Variants in HSD17B14 observed in about 807,000 individuals in gnomAD.
HSD17B14 encodes L-fucose dehydrogenase.
Under a neutral mutation model 32.2 loss-of-function variants are expected in HSD17B14, and 32 were observed. That is an observed-to-expected ratio of 0.99 (90% CI 0.75 to 1.33). The LOEUF (loss-of-function observed/expected upper bound fraction) is 1.33. Ranked by LOEUF, HSD17B14 falls within the 40% of genes most tolerant of loss-of-function variation. HSD17B14 has a pLI of 0.00. For synonymous variants in HSD17B14, 140 were observed against 155.4 expected, an observed-to-expected ratio of 0.90 and a Z score of 0.74; for missense variants, 370 against 366.5, an observed-to-expected ratio of 1.01 and a Z score of -0.08.
At position 48,835,985 on chromosome 19, in the gene HSD17B14, C is replaced by G. The variant is rs369843685; in HGVS notation, c.89-142G>C. On this transcript the variant is annotated intron_variant, in intron 1 of 8. Transcript: ENST00000263278. ...GATCACCCATAGGACAGAGGGCAGACGCCTTGACACATACTCTCCTTGCCT... is the reference window on the plus strand; with the variant it reads ...GATCACCCATAGGACAGAGGGCAGAGGCCTTGACACATACTCTCCTTGCCT... The G allele has an allele frequency of 2.5e-5, 18 of 713,632 alleles. No individual in the cohort carries two copies. The African/African-American group carries it at 3.0e-4, about 12-fold the overall frequency. 44.2% of individuals were successfully genotyped at this position (713,632 alleles called of 1,614,324 possible). A position where few individuals can be genotyped will look rare whatever the true frequency, so the allele number is the denominator to read the frequency against.
At position 48,835,828 on chromosome 19, in the gene HSD17B14, CG is replaced by C; in HGVS notation, c.103del (p.Arg35GlufsTer29). On this transcript the variant is annotated frameshift_variant, in exon 2 of 9. Transcript: ENST00000263278. LOFTEE classifies it high-confidence loss of function. Reference protein sequence around the residue: ...IVRAFVNSGARVVICDKDESG... With the variant: ...IVRAFVNSGAXVVICDKDESG... ...ACCATCCTTGTCGCAGATAACCACT[CG>C]GGCCCCGCTGTTCACTGAGAATAGG... The C allele has an allele frequency of 1.2e-6, 2 of 1,613,592 alleles. No individual in the cohort carries two copies. Among genetic ancestry groups the C allele is most frequent in the Non-Finnish European group, 1.7e-6 (2 of 1,179,726 alleles).
chr19:48,819,619 T>G (rs2035113083), intron 5 of HSD17B14, among the ~76,000 whole-genome samples: 2 of 152,084 alleles, frequency 1.3e-5, no homozygotes, highest in South Asian at 2.1e-4. Context: ...CTCCACCTCC[T>G]CCACTGGTCA....
chr19:48,825,154 C>T (rs1445878044), intron 5 of HSD17B14, among the ~76,000 whole-genome samples: 2 of 147,656 alleles, frequency 1.4e-5, no homozygotes, highest in Non-Finnish European at 3.0e-5. Flanking sequence ...AGGAGAATCA[C>T]TTGAACCCAG....
chr19:48,824,777 AAAAGAAAG>A (rs150958177), intron 5 of HSD17B14, among the ~76,000 whole-genome samples: 10 of 142,150 alleles, frequency 7.0e-5, no homozygotes, highest in East Asian at 6.1e-4. Flanking sequence ...GACAAAAAAA[AAAAGAAAG>A]AAAGAAAGAA....
In HSD17B14 at chr19:48,835,671, C is replaced by G. The variant is rs989675071; in HGVS notation, c.127+134G>C. On this transcript the variant is annotated intron_variant, in intron 2 of 8. Coordinates refer to ENST00000263278, the MANE Select transcript of HSD17B14 (RefSeq NM_016246.3). ...GGTCTGAGGGAGGAGGGGCTGAGGT[C>G]TGGACTCCTGGGTCTGAGGAAGTAG... 1.1e-5 allele frequency: 9 copies of G among 819,750 alleles called. No homozygotes were observed. The African/African-American group carries it at 1.6e-4, about 14-fold the overall frequency. The allele number at this position is 819,750 out of a possible 1,614,324, so 50.8% of individuals were successfully genotyped here.
chr19:48,831,648 G>A lies in HSD17B14; in HGVS notation c.369+20C>T. The A allele has an allele frequency of 6.3e-7, 1 of 1,582,000 alleles. No homozygotes were observed. Among genetic ancestry groups the A allele is most frequent in the Non-Finnish European group, 8.7e-7 (1 of 1,150,658 alleles). On this transcript the variant is annotated intron_variant, in intron 5 of 8. Coordinates refer to ENST00000263278, the MANE Select transcript of HSD17B14 (RefSeq NM_016246.3). ...ATCAGGAGGCTGCTCGGGCCTGGCG[G>A]CAGGGTCGCCAGCCCTCACCTTGGT...
At chr19:48,813,989 G>A (rs938990371) in intron 6 of HSD17B14, among the ~76,000 whole-genome samples, 5 of 151,544 alleles carry the variant, frequency 3.3e-5, no homozygotes, top group African/African-American at 1.2e-4. Context: ...TGGGCCAGGA[G>A]TTCGAGACCA....
chr19:48,829,784 T>G (rs1238379037), intron 5 of HSD17B14, among the ~76,000 whole-genome samples: 6 of 151,454 alleles, frequency 4.0e-5, no homozygotes, highest in Non-Finnish European at 8.8e-5. Flanking sequence ...GCTGGGATTA[T>G]AGGCATGTGC....
At chr19:48,835,865 G>C (rs778879856) in intron 1 of HSD17B14, 22 bp from the exon 2 acceptor site, 2 of 1,612,376 alleles carry the variant, frequency 1.2e-6, no homozygotes, top group African/African-American at 1.3e-5. Flanking sequence ...AAGGGAACAG[G>C]TTACTCTCCG....
At chr19:48,834,248 T>G in intron 3 of HSD17B14, 28 bp downstream of exon 3, 1 of 1,568,614 alleles carries the variant, frequency 6.4e-7, no homozygotes, top group Non-Finnish European at 8.8e-7. Flanking sequence ...TTAGCGGAGA[T>G]GGGGGTAGGA....
intron 5 of HSD17B14, among the ~76,000 whole-genome samples, chr19:48,826,746 C>G (rs925632762): frequency 6.6e-6 from 1 of 151,566 alleles, no homozygotes; most frequent in African/African-American, 2.4e-5. Context: ...ATCTTGGATG[C>G]GACCTCAGAG....
At chr19:48,831,793 A>C in intron 4 of HSD17B14, 34 bp from the exon 5 acceptor site, 1 of 1,264,454 alleles carries the variant, frequency 7.9e-7, no homozygotes, top group Non-Finnish European at 1.2e-6. Context: ...AGGAAAAGTG[A>C]CGGGGGCTGG....
Position 48,834,428 on chromosome 19 carries a change from C to T in HSD17B14, c.128-70G>A, listed in dbSNP as rs539226578. On this transcript the variant is annotated intron_variant, in intron 2 of 8. Coordinates refer to ENST00000263278, the MANE Select transcript of HSD17B14 (RefSeq NM_016246.3). ...GGAGGAGGGGTTGGGGACTTGGACT[C>T]CTGGGTCTGAGGGAGGAGGTGCTGG... The T allele has an allele frequency of 1.6e-5, 15 of 962,972 alleles. No homozygotes were observed. In the East Asian group the frequency reaches 2.3e-4, roughly 15 times the overall value. The allele number at this position is 962,972 out of a possible 1,614,324, so 59.7% of individuals were successfully genotyped here. A position where few individuals can be genotyped will look rare whatever the true frequency, so the allele number is the denominator to read the frequency against.
chr19:48,819,145 C>T (rs1568518472), intron 5 of HSD17B14, among the ~76,000 whole-genome samples: 2 of 152,134 alleles, frequency 1.3e-5, no homozygotes, highest in Non-Finnish European at 2.9e-5. Context: ...CCTACCACCA[C>T]GCCTGGCTAA....
At chr19:48,819,792 T>C (rs574147979) in intron 5 of HSD17B14, among the ~76,000 whole-genome samples, 70 of 152,330 alleles carry the variant, frequency 4.6e-4, no homozygotes, top group Middle Eastern at 3.4e-3. Flanking sequence ...TGCCCAGGAC[T>C]GTAAACTCCC....
At chr19:48,832,619 G>T in intron 4 of HSD17B14, 47 bp downstream of exon 4, 2 of 1,529,532 alleles carry the variant, frequency 1.3e-6, no homozygotes, top group Non-Finnish European at 1.8e-6. Flanking sequence ...AGGAAACAGA[G>T]TTGGGGGGCA....
intron 2 of HSD17B14, 73 bp from the exon 3 acceptor site, chr19:48,834,431 G>A: frequency 3.3e-6 from 3 of 907,618 alleles, no homozygotes; most frequent in Non-Finnish European, 3.4e-6. Flanking sequence ...TTGGACTCCT[G>A]GGTCTGAGGG....
intron 5 of HSD17B14, among the ~76,000 whole-genome samples, chr19:48,829,369 T>C (rs990420572): frequency 2.0e-5 from 3 of 150,846 alleles, no homozygotes; most frequent in African/African-American, 7.3e-5. Flanking sequence ...TTTTTTTTTC[T>C]GAGAAAGAGT....
At chr19:48,820,303 G>A (rs1371336873) in intron 5 of HSD17B14, among the ~76,000 whole-genome samples, 1 of 151,840 alleles carries the variant, frequency 6.6e-6, no homozygotes, top group Non-Finnish European at 1.5e-5. Flanking sequence ...GTGAAACCCT[G>A]TCTCTGCTAA....
Sources: gnomAD v4.1 joint callset for allele counts (sites outside exome capture counted in the v4.1 genomes callset) on GRCh38, gnomAD v4.1.1 for gene constraint, MANE v1.5 for transcripts, NCBI Gene and HGNC (gene_info 2026-07-23, HGNC 2026-07-21) for gene names.